Variants in CYB5R4 observed in about 807,000 individuals in gnomAD.
CYB5R4 encodes N-terminal cytochrome b5 and cytochrome b5 oxidoreductase domain-containing protein.
A neutral mutation model predicts 70.2 loss-of-function variants in CYB5R4; 55 were observed. The ratio of observed to expected loss-of-function variants is 0.78; its 90% confidence interval spans 0.63 to 0.98. The LOEUF (loss-of-function observed/expected upper bound fraction) is 0.98. CYB5R4 is among the 50% of genes least tolerant of loss of function. CYB5R4 has a pLI of 0.00. For missense variants in CYB5R4, 562 were observed against 612.6 expected (o/e 0.92, Z 0.87); for synonymous variants, 197 against 199.5 (o/e 0.99, Z 0.11).
chr6:83,929,049 G>T (rs1234445487), intron 10 of CYB5R4, among the ~76,000 whole-genome samples: 3 of 152,094 alleles, frequency 2.0e-5, no homozygotes, highest in East Asian at 1.9e-4. Flanking sequence ...TTCAGTGAAG[G>T]TTTTCCACTT....
At chr6:83,879,615 A>G (rs931361428) in intron 2 of CYB5R4, among the ~76,000 whole-genome samples, 1 of 151,988 alleles carries the variant, frequency 6.6e-6, no homozygotes, top group Non-Finnish European at 1.5e-5. Context: ...TAGGCCTTAA[A>G]CTATGGATGG....
chr6:83,911,565 AT>A (rs541947944), intron 4 of CYB5R4, among the ~76,000 whole-genome samples: 73 of 150,366 alleles, frequency 4.9e-4, no homozygotes, highest in African/African-American at 1.3e-3. Flanking sequence ...AATGCTCAGC[AT>A]TTTTTTTTTC....
chr6:83,935,409 G>T (rs891635031), intron 11 of CYB5R4, among the ~76,000 whole-genome samples: 7 of 152,068 alleles, frequency 4.6e-5, no homozygotes, highest in Admixed American at 1.3e-4. Context: ...CACTGTTAAG[G>T]TTTTCTGTTT....
At chr6:83,860,490 A>G (rs574265237) in intron 1 of CYB5R4, among the ~76,000 whole-genome samples, 1 of 152,222 alleles carries the variant, frequency 6.6e-6, no homozygotes, top group South Asian at 2.1e-4. Flanking sequence ...CTTGTTGAGC[A>G]CAGTTGCTGT....
intron 2 of CYB5R4, among the ~76,000 whole-genome samples, chr6:83,870,714 C>T (rs1205150482): frequency 6.6e-6 from 1 of 151,990 alleles, no homozygotes; most frequent in East Asian, 1.9e-4. Context: ...GATTTTTGAA[C>T]AACTCTCTTC....
At position 83,919,409 on chromosome 6, in the gene CYB5R4, CCAAA is replaced by C. The variant is rs1407779907; in HGVS notation, c.522_525del (p.Asp176LeufsTer2). The C allele has an allele frequency of 6.6e-7, 1 of 1,513,170 alleles. No individual in the cohort carries two copies. Among genetic ancestry groups the C allele is most frequent in the Non-Finnish European group, 9.0e-7 (1 of 1,110,268 alleles). The allele number at this position is 1,513,170 out of a possible 1,614,324, so 93.7% of individuals were successfully genotyped here. A position where few individuals can be genotyped will look rare whatever the true frequency, so the allele number is the denominator to read the frequency against. ...TTATATTTTACAGCTATGATTGGTTCCAAACAGACTCTTTAGTCACCATTGCCAT... is the reference window on the plus strand; with the variant it reads ...TTATATTTTACAGCTATGATTGGTTCCAGACTCTTTAGTCACCATTGCCAT... On this transcript the variant is annotated frameshift_variant, in exon 7 of 16. Transcript: ENST00000369681. LOFTEE classifies it high-confidence loss of function.
At chr6:83,881,697 C>CTG (rs2099459471) in intron 2 of CYB5R4, among the ~76,000 whole-genome samples, 2 of 152,144 alleles carry the variant, frequency 1.3e-5, no homozygotes, top group Admixed American at 6.5e-5. Context: ...AACTTAGTTG[C>CTG]TGTCATCTCT....
chr6:83,910,655 G>A (rs936766921), intron 4 of CYB5R4, among the ~76,000 whole-genome samples: 1 of 152,210 alleles, frequency 6.6e-6, no homozygotes, highest in Admixed American at 6.5e-5. Flanking sequence ...TTTTGAACAT[G>A]TGTATATTCA....
chr6:83,929,331 T>TA (rs890510301), intron 10 of CYB5R4: 2 of 152,196 alleles, frequency 1.3e-5, no homozygotes, highest in African/African-American at 4.8e-5. Flanking sequence ...GGCTCCATCT[T>TA]ACTAGTTTCT....
intron 2 of CYB5R4, among the ~76,000 whole-genome samples, chr6:83,892,066 G>T (rs1388674767): frequency 1.3e-5 from 2 of 152,118 alleles, no homozygotes; most frequent in Non-Finnish European, 2.9e-5. Context: ...TTGGTCTCTG[G>T]ATTTTGGAGC....
intron 2 of CYB5R4, among the ~76,000 whole-genome samples, chr6:83,876,019 G>C (rs2099458489): frequency 6.6e-6 from 1 of 152,072 alleles, no homozygotes; most frequent in Non-Finnish European, 1.5e-5. Context: ...CTGACAGTAG[G>C]GATATTCTAA....
At chr6:83,943,205 C>T (rs1445422521) in intron 14 of CYB5R4, among the ~76,000 whole-genome samples, 1 of 152,124 alleles carries the variant, frequency 6.6e-6, no homozygotes, top group Non-Finnish European at 1.5e-5. Context: ...ACACCTCATA[C>T]AGGAGAGCTC....
intron 2 of CYB5R4, among the ~76,000 whole-genome samples, chr6:83,876,155 T>C (rs2099458516): frequency 6.6e-6 from 1 of 152,236 alleles, no homozygotes; most frequent in Admixed American, 6.5e-5. Context: ...GACAGTTCTC[T>C]AATATAGATT....
At chr6:83,887,592 A>G (rs557536215) in intron 2 of CYB5R4, among the ~76,000 whole-genome samples, 29 of 152,272 alleles carry the variant, frequency 1.9e-4, no homozygotes, top group Non-Finnish European at 3.5e-4. Flanking sequence ...TACCCCTAAT[A>G]TTGCTAGGGC....
intron 3 of CYB5R4, among the ~76,000 whole-genome samples, chr6:83,897,165 G>C (rs1406275980): frequency 6.6e-6 from 1 of 151,768 alleles, no homozygotes; most frequent in Non-Finnish European, 1.5e-5. Context: ...GCGGTGTTTG[G>C]TTTTTTGTCC....
intron 3 of CYB5R4, among the ~76,000 whole-genome samples, chr6:83,894,491 C>T (rs916622396): frequency 6.6e-6 from 1 of 151,652 alleles, no homozygotes; most frequent in African/African-American, 2.4e-5. Context: ...GTTTTTTGAC[C>T]ATGTTGCCAG....
intron 2 of CYB5R4, among the ~76,000 whole-genome samples, chr6:83,889,622 GCACTGTA>G (rs2099460797): frequency 6.6e-6 from 1 of 152,182 alleles, no homozygotes; most frequent in African/African-American, 2.4e-5. Flanking sequence ...AGGTCTGATA[GCACTGTA>G]CGTCATGCCT....
chr6:83,915,126 T>G (rs2099465297), intron 5 of CYB5R4, among the ~76,000 whole-genome samples: 1 of 152,134 alleles, frequency 6.6e-6, no homozygotes, highest in Non-Finnish European at 1.5e-5. Context: ...TTAAGCTGAG[T>G]GGTGCATCCA....
chr6:83,888,980 A>C (rs528392303), intron 2 of CYB5R4, among the ~76,000 whole-genome samples: 1 of 152,386 alleles, frequency 6.6e-6, no homozygotes, highest in Non-Finnish European at 1.5e-5. Flanking sequence ...AACCAGCCAC[A>C]ACATTCTCTT....
Sources: gnomAD v4.1 joint callset for allele counts (sites outside exome capture counted in the v4.1 genomes callset) on GRCh38, gnomAD v4.1.1 for gene constraint, MANE v1.5 for transcripts, NCBI Gene and HGNC (gene_info 2026-07-23, HGNC 2026-07-21) for gene names.